RB1: variants seen among roughly 807,000 people sequenced by gnomAD.
The protein encoded by RB1 is RB transcriptional corepressor 1.
Under a neutral mutation model 135.4 loss-of-function variants are expected in RB1, and 18 were observed. The ratio of observed to expected loss-of-function variants is 0.13; its 90% confidence interval spans 0.09 to 0.20. The LOEUF is 0.20. RB1 is among the 10% of genes least tolerant of loss of function. RB1 has a pLI of 1.00. For missense variants in RB1, 868 were observed against 1,110.0 expected, an observed-to-expected ratio of 0.78 and a Z score of 3.10; for synonymous variants, 365 against 373.2, an observed-to-expected ratio of 0.98 and a Z score of 0.25.
rs749607535 is a variant in RB1 at position 48,347,895 on chromosome 13, T to TA, written c.539+41dup. 4.7e-4 allele frequency: 701 copies of TA among 1,503,926 alleles called. 1 individual carries two copies. The highest frequency in any genetic ancestry group is 1.6e-3 in the African/African-American group (118 of 72,212). 93.2% of individuals were successfully genotyped at this position (1,503,926 alleles called of 1,614,324 possible). On this transcript the variant is annotated intron_variant, in intron 5 of 26. Transcript: ENST00000267163. ...AGTTCACAGAATGTTATTTTTCACT[T>TA]AAAAAAAAAGATTTTTATGGAATAA...
chr13:48,328,460 C>A (rs1303787421), intron 2 of RB1: 3 of 925,366 alleles, frequency 3.2e-6, no homozygotes, highest in Non-Finnish European at 5.4e-6. Flanking sequence ...TTCAGCTGAT[C>A]GCTTCTCAGC....
chr13:48,364,964 T>A lies in RB1; in HGVS notation c.932T>A (p.Leu311His). 1 of 1,570,740 alleles carries A rather than the reference T, an allele frequency of 6.4e-7. No homozygotes were observed. The highest frequency in any genetic ancestry group is 8.7e-7 in the Non-Finnish European group (1 of 1,154,088). The change falls in exon 9 of 27, where the codon CTT becomes CAT. Residue 311 changes from leucine (L) to histidine (H), a missense_variant. Leu to His is a moderately conservative substitution (Grantham distance 99). Around this residue, in one of 3 missense-constraint regions of RB1, gnomAD observed 641 missense variants for 791.3 expected, o/e 0.81. Coordinates refer to ENST00000267163, the MANE Select transcript of RB1 (RefSeq NM_000321.3). ...NSLGLVTSNG[L>H]PEVENLSKRY... Reference sequence around the variant, plus strand: ...CTTGGACTTGTAACATCTAATGGACTTCCAGAGGTAATCTGAAAGGAAATT... The same window carrying A: ...CTTGGACTTGTAACATCTAATGGACATCCAGAGGTAATCTGAAAGGAAATT...
At chr13:48,372,044 C>G (rs184426346) in intron 11 of RB1, among the ~76,000 whole-genome samples, 16 of 152,242 alleles carry the variant, frequency 1.1e-4, no homozygotes, top group Middle Eastern at 3.4e-3. Flanking sequence ...AAACCATTCC[C>G]CCTACTCTCC....
intron 2 of RB1, among the ~76,000 whole-genome samples, chr13:48,315,172 A>G (rs149092896): frequency 9.8e-5 from 15 of 152,304 alleles, no homozygotes; most frequent in South Asian, 4.1e-4. Flanking sequence ...ATCCATGAGC[A>G]TGGAATGTTT....
intron 18 of RB1, 152 bp downstream of exon 18, chr13:48,453,263 A>G: frequency 1.2e-6 from 1 of 807,738 alleles, no homozygotes. Flanking sequence ...AAGGTACATG[A>G]CCCAAATAAA....
chr13:48,394,474 A>G (rs1051720592), intron 17 of RB1, among the ~76,000 whole-genome samples: 1 of 152,186 alleles, frequency 6.6e-6, no homozygotes, highest in East Asian at 1.9e-4. Context: ...TCCCACCCCC[A>G]TGGAGCCAAG....
rs188295274 is a variant in RB1 at position 48,319,176 on chromosome 13, G to A, written c.264+11770G>A. 1,019 of 625,330 alleles carry A rather than the reference G, an allele frequency of 1.6e-3. 3 individuals are homozygous for A. The African/African-American group carries it at 0.017, about 10-fold the overall frequency. 38.7% of individuals were successfully genotyped at this position (625,330 alleles called of 1,614,324 possible). ...GGAATGGTCAGCGTCTAGGCACCCC[G>A]GGCAAGGGTCTGTGGCCTTGGTGGC... On this transcript the variant is annotated intron_variant, in intron 2 of 26. Coordinates refer to ENST00000267163, the MANE Select transcript of RB1 (RefSeq NM_000321.3). This position sits in a 1 kb window ranked among gnomAD's most constrained non-coding sequence, Gnocchi z 5.0.
intron 12 of RB1, among the ~76,000 whole-genome samples, chr13:48,376,520 A>G (rs1454543140): frequency 1.3e-5 from 2 of 150,720 alleles, no homozygotes; most frequent in Admixed American, 6.6e-5. Context: ...AAAAAAAAAA[A>G]TTAGTAAATG....
chr13:48,335,554 A>T (rs1336692533), intron 2 of RB1, among the ~76,000 whole-genome samples: 2 of 151,916 alleles, frequency 1.3e-5, no homozygotes, highest in African/African-American at 2.4e-5. Flanking sequence ...CCTTCAATTG[A>T]CATTATTCTC....
At chr13:48,412,466 A>G (rs1369295268) in intron 17 of RB1, 2 of 1,272,650 alleles carry the variant, frequency 1.6e-6, no homozygotes, top group Non-Finnish European at 2.3e-6. Flanking sequence ...CACTTTCATC[A>G]GCTGCAGTCT....
At chr13:48,367,118 C>CAAAAAAA (rs34822911) in intron 9 of RB1, among the ~76,000 whole-genome samples, 1 of 102,322 alleles carries the variant, frequency 9.8e-6, no homozygotes, top group Non-Finnish European at 1.8e-5. Flanking sequence ...AACTCCATCT[C>CAAAAAAA]AAAAAAAAAA....
intron 2 of RB1, among the ~76,000 whole-genome samples, chr13:48,309,577 A>G (rs187533366): frequency 1.2e-4 from 19 of 152,302 alleles, no homozygotes; most frequent in Admixed American, 7.8e-4. Flanking sequence ...TTTTGTGCAT[A>G]TACAATTAAA....
At chr13:48,416,075 A>G (rs1462589458) in intron 17 of RB1, among the ~76,000 whole-genome samples, 1 of 152,250 alleles carries the variant, frequency 6.6e-6, no homozygotes, top group Admixed American at 6.5e-5. Context: ...AACTCTGAGA[A>G]TCAACTTATT....
intron 6 of RB1, among the ~76,000 whole-genome samples, chr13:48,351,651 A>G (rs111240863): frequency 2.0e-5 from 3 of 150,178 alleles, no homozygotes; most frequent in African/African-American, 7.3e-5. Flanking sequence ...TATCATGAAG[A>G]CTTTGCCTGT....
chr13:48,376,342 G>C (rs1952822771), intron 12 of RB1, among the ~76,000 whole-genome samples: 1 of 151,856 alleles, frequency 6.6e-6, no homozygotes, highest in African/African-American at 2.4e-5. Flanking sequence ...CTCTACTAAA[G>C]AGACAAAAAT....
chr13:48,475,448 G>A (rs1949498417), intron 24 of RB1, among the ~76,000 whole-genome samples: 1 of 152,136 alleles, frequency 6.6e-6, no homozygotes. Flanking sequence ...GATGGCTATT[G>A]GCCCCTCTAT....
At position 48,470,750 on chromosome 13, in the gene RB1, G is replaced by A. The variant is rs1407519305; in HGVS notation, c.2490-2610G>A. ...CAACCCTATCAAAAAGTGGGCGAAG[G>A]ACATGAACAGACACTTCTCAAAAGA... On this transcript the variant is annotated intron_variant, in intron 23 of 26. Transcript: ENST00000267163. Among the ~76,000 whole-genome samples the A allele has an allele frequency of 9.9e-4, 19 of 19,154 alleles. 7 individuals carry two copies. Among genetic ancestry groups the A allele is most frequent in the African/African-American group, 1.3e-3 (19 of 15,004 alleles). The allele number at this position is 19,154 out of a possible 152,430, so 12.6% of individuals were successfully genotyped here. A position where few individuals can be genotyped will look rare whatever the true frequency, so the allele number is the denominator to read the frequency against.
At chr13:48,450,398 G>T (rs1949319457) in intron 17 of RB1, among the ~76,000 whole-genome samples, 1 of 151,990 alleles carries the variant, frequency 6.6e-6, no homozygotes, top group Non-Finnish European at 1.5e-5. Flanking sequence ...AATTTATTTA[G>T]GACCATTTAT....
rs4151530 is a variant in RB1, at chr13:48,376,416, C to G, written c.1216-502C>G. 2.6e-3 allele frequency among the ~76,000 whole-genome samples: 391 copies of G among 150,408 alleles called. 1 individual carries two copies. The highest frequency in any genetic ancestry group is 9.1e-3 in the African/African-American group (372 of 40,820). ...TTGGGATGCTGAGGCAGGAGAATCA[C>G]TTGAACTTGGGAGGCGGAGGTTGCA... On this transcript the variant is annotated intron_variant, in intron 12 of 26. Coordinates refer to ENST00000267163, the MANE Select transcript of RB1 (RefSeq NM_000321.3).
Sources: allele counts gnomAD v4.1 joint callset (sites outside exome capture counted in the v4.1 genomes callset), GRCh38; gene constraint gnomAD v4.1.1; regional missense constraint gnomAD v4.1.1; non-coding constraint Gnocchi (gnomAD v3.1); transcripts MANE v1.5; gene names NCBI Gene and HGNC (gene_info 2026-07-23, HGNC 2026-07-21).